Variants in LRRC37A2 observed in about 807,000 individuals in gnomAD.
The protein encoded by LRRC37A2 is leucine rich repeat containing 37 member A2, also known as leucine-rich repeat-containing protein 37A2.
LRRC37A2 carries 9 observed loss-of-function variants against 68.8 expected under a neutral mutation model. The ratio of observed to expected loss-of-function variants is 0.13; its 90% CI spans 0.08 to 0.23. LRRC37A2 has a LOEUF of 0.23. Ranked by LOEUF, LRRC37A2 falls within the 10% of genes least tolerant of loss-of-function variation. The pLI is 1.00. For synonymous variants in LRRC37A2, 63 were observed against 367.6 expected (o/e 0.17, Z 9.48); for missense variants, 168 against 950.4 (o/e 0.18, Z 10.82).
chr17:46,987,973 A>C, the LRRC37A2 span, among the ~76,000 whole-genome samples: 2 of 152,158 alleles, frequency 1.3e-5, no homozygotes, highest in African/African-American at 4.8e-5. Flanking sequence ...GGAGTTTGGG[A>C]CCAGCCTGGC....
chr17:46,771,574 C>G, the LRRC37A2 span, among the ~76,000 whole-genome samples: 23 of 148,508 alleles, frequency 1.5e-4, no homozygotes, highest in Non-Finnish European at 3.2e-4. Flanking sequence ...CGGCGGGGCC[C>G]GCTGGGCCGC....
At chr17:46,850,161 T>C in the LRRC37A2 span, among the ~76,000 whole-genome samples, 4 of 152,214 alleles carry the variant, frequency 2.6e-5, no homozygotes, top group African/African-American at 9.6e-5. Context: ...GCATTTAACA[T>C]CTTACCTGCA....
At chr17:46,863,613 C>T in the LRRC37A2 span, among the ~76,000 whole-genome samples, 1 of 152,298 alleles carries the variant, frequency 6.6e-6, no homozygotes, top group African/African-American at 2.4e-5. Context: ...CTAGAGCTGT[C>T]TGGGACCTCG....
chr17:46,449,909 CTT>C, the LRRC37A2 span, among the ~76,000 whole-genome samples: 2 of 104,368 alleles, frequency 1.9e-5, no homozygotes, highest in East Asian at 2.5e-4. Flanking sequence ...AAGTGGGACT[CTT>C]AGTAATTTTT....
intron 6 of LRRC37A2, among the ~76,000 whole-genome samples, chr17:46,533,296 A>C (rs1384872844): frequency 2.2e-5 from 2 of 91,104 alleles, no homozygotes; most frequent in Non-Finnish European, 3.9e-5. Context: ...GCGCACCTGT[A>C]GTCTCAGCTA....
the LRRC37A2 span, among the ~76,000 whole-genome samples, chr17:46,927,308 C>T: frequency 6.6e-6 from 1 of 152,132 alleles, no homozygotes; most frequent in Admixed American, 6.5e-5. Context: ...TGCAGATACC[C>T]TCCAGTCTGT....
the LRRC37A2 span, chr17:46,942,066 A>C: frequency 2.1e-6 from 1 of 475,790 alleles, no homozygotes; most frequent in South Asian, 9.0e-5. Context: ...AAATAACTGA[A>C]ACAGATACAA....
At chr17:46,542,526 G>GAGATAT (rs2055547650) in intron 8 of LRRC37A2, among the ~76,000 whole-genome samples, 3 of 145,874 alleles carry the variant, frequency 2.1e-5, no homozygotes, top group Non-Finnish European at 4.5e-5. Context: ...TATATATATA[G>GAGATAT]ATATAGATAT....
At chr17:46,842,009 T>G in the LRRC37A2 span, among the ~76,000 whole-genome samples, 1 of 152,158 alleles carries the variant, frequency 6.6e-6, no homozygotes, top group Non-Finnish European at 1.5e-5. Context: ...TGCAGAAGGC[T>G]GGCCGCGGTG....
the LRRC37A2 span, among the ~76,000 whole-genome samples, chr17:46,711,851 A>C: frequency 1.3e-5 from 2 of 152,120 alleles, no homozygotes; most frequent in Admixed American, 6.6e-5. Context: ...GTCACTGGGG[A>C]GGATGTTTGA....
the LRRC37A2 span, chr17:46,978,301 C>G: frequency 6.0e-6 from 2 of 335,136 alleles, no homozygotes; most frequent in Non-Finnish European, 1.1e-5. Context: ...CACCAACGTA[C>G]ACACAAAACT....
chr17:46,709,178 A>G, the LRRC37A2 span, among the ~76,000 whole-genome samples: 1 of 152,170 alleles, frequency 6.6e-6, no homozygotes, highest in East Asian at 1.9e-4. Flanking sequence ...TAAAGACAAA[A>G]GCCAATTTGG....
chr17:46,532,080 A>G (rs2053731551), intron 6 of LRRC37A2, among the ~76,000 whole-genome samples: 1 of 150,414 alleles, frequency 6.6e-6, no homozygotes, highest in Non-Finnish European at 1.5e-5. Context: ...TGAGACTCCA[A>G]TGGAGACGGG....
At chr17:47,048,362 C>G in the LRRC37A2 span, among the ~76,000 whole-genome samples, 1 of 151,448 alleles carries the variant, frequency 6.6e-6, no homozygotes, top group African/African-American at 2.4e-5. Flanking sequence ...ATTCCCCATC[C>G]AAAATATTAG....
the LRRC37A2 span, among the ~76,000 whole-genome samples, chr17:46,854,726 TCTCGG>T: frequency 3.3e-5 from 5 of 152,194 alleles, no homozygotes; most frequent in Non-Finnish European, 7.3e-5. Context: ...AGTGTCATGA[TCTCGG>T]CTCACTGCAA....
chr17:47,014,808 C>A, the LRRC37A2 span, among the ~76,000 whole-genome samples: 1 of 152,058 alleles, frequency 6.6e-6, no homozygotes, highest in African/African-American at 2.4e-5. Context: ...ACTATAATGC[C>A]TTTCAAATAT....
chr17:46,842,030 C>T, the LRRC37A2 span, among the ~76,000 whole-genome samples: 1 of 152,148 alleles, frequency 6.6e-6, no homozygotes, highest in Non-Finnish European at 1.5e-5. Flanking sequence ...GCGCCCTCGG[C>T]GGGGCCTGGG....
At chr17:46,722,592 C>CT in the LRRC37A2 span, among the ~76,000 whole-genome samples, 1 of 152,192 alleles carries the variant, frequency 6.6e-6, no homozygotes, top group Admixed American at 6.5e-5. Flanking sequence ...CCAGCCAACT[C>CT]TGAGTATCTT....
In LRRC37A2 at chr17:46,521,042, G is replaced by A. The variant is rs2052208237; in HGVS notation, c.2753+759G>A. Among the ~76,000 whole-genome samples, 2 of 80,396 alleles carry A rather than the reference G, an allele frequency of 2.5e-5. 1 individual carries two copies. The highest frequency in any genetic ancestry group is 6.7e-5 in the Non-Finnish European group (2 of 29,680). The allele number at this position is 80,396 out of a possible 152,430, so 52.7% of individuals were successfully genotyped here. ...TATTAAAACAGATGTTTAAAATGAT[G>A]GTTAACTGGTAGAGCTAGAAATGTT... On this transcript the variant is annotated intron_variant, in intron 4 of 14. Coordinates refer to ENST00000576629, the Ensembl canonical transcript of LRRC37A2.
Sources: gnomAD v4.1 joint callset for allele counts (sites outside exome capture counted in the v4.1 genomes callset) on GRCh38, gnomAD v4.1.1 for gene constraint, MANE v1.5 for transcripts, NCBI Gene and HGNC (gene_info 2026-07-23, HGNC 2026-07-21) for gene names.